KIAA0513: variants seen among roughly 807,000 people sequenced by gnomAD.
KIAA0513 encodes the protein uncharacterized protein KIAA0513.
In KIAA0513, 39 loss-of-function variants were observed where a neutral mutation model predicts 56.5. The ratio of observed to expected loss-of-function variants is 0.69; its 90% CI spans 0.53 to 0.90. The LOEUF (loss-of-function observed/expected upper bound fraction) is 0.90. Among genes scored for constraint, KIAA0513 ranks in the 40% least tolerant of loss-of-function variants. KIAA0513 has a pLI of 0.00. For synonymous variants in KIAA0513, 268 were observed against 215.6 expected, an observed-to-expected ratio of 1.24 and a Z score of -2.13; for missense variants, 591 against 535.2, an observed-to-expected ratio of 1.10 and a Z score of -1.03.
At chr16:85,064,317 A>G (rs1259527622) in intron 1 of KIAA0513, among the ~76,000 whole-genome samples, 1 of 151,814 alleles carries the variant, frequency 6.6e-6, no homozygotes, top group African/African-American at 2.4e-5. Flanking sequence ...GTTTTACTAT[A>G]TTTAGGTATT....
intron 10 of KIAA0513, among the ~76,000 whole-genome samples, chr16:85,085,066 CG>C (rs1202914562): frequency 2.0e-5 from 3 of 152,216 alleles, no homozygotes; most frequent in Non-Finnish European, 4.4e-5. Context: ...GAGACGTTCC[CG>C]TGTGGTCTGG....
chr16:85,083,638 C>T (rs772172227), intron 10 of KIAA0513, among the ~76,000 whole-genome samples: 7 of 152,302 alleles, frequency 4.6e-5, no homozygotes, highest in Non-Finnish European at 8.8e-5. Flanking sequence ...GTCCTGAGCT[C>T]AGCTGAGGGG....
intron 1 of KIAA0513, among the ~76,000 whole-genome samples, chr16:85,056,282 C>T (rs369474706): frequency 2.6e-5 from 4 of 152,334 alleles, no homozygotes; most frequent in South Asian, 2.1e-4. Flanking sequence ...ATCAGCGCGG[C>T]GTTAGAAAAG....
At chr16:85,044,231 G>A (rs1007892520) in intron 1 of KIAA0513, among the ~76,000 whole-genome samples, 2 of 152,158 alleles carry the variant, frequency 1.3e-5, no homozygotes, top group Non-Finnish European at 2.9e-5. Context: ...TGGGTCAGTC[G>A]TATTGGTTTG....
chr16:85,064,890 G>T (rs1444684333), intron 1 of KIAA0513, among the ~76,000 whole-genome samples: 3 of 152,128 alleles, frequency 2.0e-5, no homozygotes, highest in Non-Finnish European at 4.4e-5. Context: ...TCACCATGTT[G>T]CCCAGGCTGG....
At chr16:85,078,320 AC>A in intron 6 of KIAA0513, 94 bp from the exon 7 acceptor site, 4 of 1,338,078 alleles carry the variant, frequency 3.0e-6, no homozygotes, top group Non-Finnish European at 4.2e-6. Flanking sequence ...TATTAAATGT[AC>A]CCAGTCCCAC....
chr16:85,048,991 G>A (rs985405518), intron 1 of KIAA0513, among the ~76,000 whole-genome samples: 1 of 152,208 alleles, frequency 6.6e-6, no homozygotes, highest in Non-Finnish European at 1.5e-5. Context: ...GGGAGAGGGA[G>A]GGAAAAGCGG....
intron 1 of KIAA0513, among the ~76,000 whole-genome samples, chr16:85,043,685 T>G (rs1232168322): frequency 6.6e-6 from 1 of 152,114 alleles, no homozygotes; most frequent in Non-Finnish European, 1.5e-5. Flanking sequence ...AGTGCTGGAA[T>G]TACAGGTGTG....
chr16:85,040,016 T>C (rs1055699587), intron 1 of KIAA0513, among the ~76,000 whole-genome samples: 2 of 151,470 alleles, frequency 1.3e-5, no homozygotes, highest in African/African-American at 4.9e-5. Context: ...GTATTTGTAG[T>C]AGAGACAGGG....
chr16:85,061,528 G>A (rs1448111257), intron 1 of KIAA0513, among the ~76,000 whole-genome samples: 1 of 152,238 alleles, frequency 6.6e-6, no homozygotes, highest in African/African-American at 2.4e-5. Flanking sequence ...CACTCTGGGT[G>A]AGAGGAGCAG....
intron 1 of KIAA0513, among the ~76,000 whole-genome samples, chr16:85,054,179 C>T (rs187558783): frequency 7.9e-5 from 12 of 151,960 alleles, no homozygotes; most frequent in African/African-American, 2.9e-4. Context: ...TAAACACTGC[C>T]GTTTACACTA....
At chr16:85,046,388 G>A (rs573184531) in intron 1 of KIAA0513, among the ~76,000 whole-genome samples, 3 of 152,174 alleles carry the variant, frequency 2.0e-5, no homozygotes, top group Admixed American at 6.5e-5. Flanking sequence ...CCGATATTGC[G>A]AACTCCCTAA....
chr16:85,077,804 C>A (rs1294423890), intron 6 of KIAA0513, among the ~76,000 whole-genome samples, 172 bp downstream of exon 6: 1 of 152,102 alleles, frequency 6.6e-6, no homozygotes, highest in Non-Finnish European at 1.5e-5. Flanking sequence ...AAAGCCAAGC[C>A]CCCCCCACTG....
rs1338106456 is a variant in KIAA0513 at position 85,057,535 on chromosome 16, A to T, written c.-172-9365A>T. ...CCTTTGCTGGCACTGTGAGTTTTCA[A>T]CCAAAACACATTGACAACATCTCTT... On this transcript the variant is annotated intron_variant, in intron 1 of 12. Coordinates refer to ENST00000683363, the MANE Select transcript of KIAA0513 (RefSeq NM_001388359.1). 2.0e-5 allele frequency among the ~76,000 whole-genome samples: 3 copies of T among 152,248 alleles called. No homozygotes were observed. The South Asian group carries it at 6.2e-4, about 32-fold the overall frequency.
Position 85,081,633 on chromosome 16 carries a change from T to A in KIAA0513, c.980+241T>A, listed in dbSNP as rs989578475. Among the ~76,000 whole-genome samples, 8 of 151,984 alleles carry A rather than the reference T, an allele frequency of 5.3e-5. No homozygotes were observed. The highest frequency in any genetic ancestry group is 1.7e-4 in the African/African-American group (7 of 41,390). ...GCTCTGGCATGACTTGGCCTGACCC[T>A]CCTAAAAATGCAAACTCCCACTAAG... On this transcript the variant is annotated intron_variant, in intron 9 of 12. Transcript: ENST00000683363. The surrounding 1 kb of genome is among the most constrained non-coding windows in gnomAD (Gnocchi z 4.4).
chr16:85,075,379 T>C (rs1414788696), intron 4 of KIAA0513, among the ~76,000 whole-genome samples: 1 of 152,132 alleles, frequency 6.6e-6, no homozygotes, highest in African/African-American at 2.4e-5. Flanking sequence ...ACCTGTTGAA[T>C]CAGAGGCTCC....
chr16:85,075,544 C>T (rs1355201867), intron 4 of KIAA0513, among the ~76,000 whole-genome samples: 1 of 152,204 alleles, frequency 6.6e-6, no homozygotes, highest in Non-Finnish European at 1.5e-5. Flanking sequence ...TGAGGGCTGG[C>T]ATCTCATCCT....
intron 4 of KIAA0513, among the ~76,000 whole-genome samples, chr16:85,075,365 C>G (rs1273259644): frequency 6.6e-6 from 1 of 152,164 alleles, no homozygotes; most frequent in Non-Finnish European, 1.5e-5. Context: ...GACCCAAGAC[C>G]AAGACCTGTT....
intron 4 of KIAA0513, among the ~76,000 whole-genome samples, chr16:85,074,616 C>G (rs1567541336): frequency 6.6e-6 from 1 of 152,168 alleles, no homozygotes; most frequent in Non-Finnish European, 1.5e-5. Flanking sequence ...CAGGATACCC[C>G]AAGTCCAAGA....
Sources: gnomAD v4.1 joint callset for allele counts (sites outside exome capture counted in the v4.1 genomes callset) on GRCh38, gnomAD v4.1.1 for gene constraint, Gnocchi (gnomAD v3.1) non-coding constraint, MANE v1.5 for transcripts, NCBI Gene and HGNC (gene_info 2026-07-23, HGNC 2026-07-21) for gene names.